HIVEP1: variants seen among roughly 807,000 people sequenced by gnomAD.
HIVEP1 encodes HIVEP zinc finger 1.
A neutral mutation model predicts 180.0 loss-of-function variants in HIVEP1; 36 were observed. The observed-to-expected ratio is 0.20, with a 90% CI of 0.15 to 0.26. HIVEP1 has a LOEUF of 0.26. HIVEP1 is among the 10% of genes least tolerant of loss of function. The pLI, the probability that HIVEP1 is intolerant of heterozygous loss-of-function variation, is 1.00. For missense variants in HIVEP1, 3,143 were observed against 3,268.7 expected (o/e 0.96, Z 0.94); for synonymous variants, 1,239 against 1,239.0 (o/e 1.00, Z 0.00).
chr6:12,160,986 A>C (rs1349885415), intron 7 of HIVEP1, among the ~76,000 whole-genome samples: 1 of 152,264 alleles, frequency 6.6e-6, no homozygotes, highest in Non-Finnish European at 1.5e-5. Flanking sequence ...ACAGATACCA[A>C]CAGCCATCAG....
intron 2 of HIVEP1, among the ~76,000 whole-genome samples, chr6:12,055,322 A>G (rs1296768707): frequency 6.6e-6 from 1 of 152,014 alleles, no homozygotes; most frequent in African/African-American, 2.4e-5. Context: ...AAAATGCAAA[A>G]ATTAGCTGGG....
chr6:12,107,754 G>A (rs528103895), intron 3 of HIVEP1, among the ~76,000 whole-genome samples: 59 of 152,286 alleles, frequency 3.9e-4, no homozygotes, highest in African/African-American at 1.3e-3. Context: ...CTTCCACAGC[G>A]TAGAAGGGGA....
At position 12,117,226 on chromosome 6, in the gene HIVEP1, A is replaced by G. The variant is rs182591226; in HGVS notation, c.95-2664A>G. The stretch of plus-strand genomic sequence containing the variant: ...TTGCCAGAAAACAAGGGAGTATGCA[A>G]AGTTTTGAAGGGAATAGCACCAGTC... On this transcript the variant is annotated intron_variant, in intron 3 of 8. Transcript: ENST00000379388. 2.2e-4 allele frequency among the ~76,000 whole-genome samples: 34 copies of G among 152,324 alleles called. 1 individual carries two copies. The highest frequency in any genetic ancestry group is 7.8e-4 in the Admixed American group (12 of 15,302).
downstream of HIVEP1, among the ~76,000 whole-genome samples, chr6:12,168,238 T>TAC (rs1427557662): frequency 7.4e-5 from 9 of 121,522 alleles, no homozygotes; most frequent in Middle Eastern, 5.2e-3. Context: ...TATACATATA[T>TAC]ATTATATATA....
intron 2 of HIVEP1, among the ~76,000 whole-genome samples, chr6:12,061,034 A>G (rs1390630612): frequency 6.6e-6 from 1 of 151,970 alleles, no homozygotes; most frequent in African/African-American, 2.4e-5. Flanking sequence ...CTGCTCCTAG[A>G]TGTGACGTGA....
intron 7 of HIVEP1, among the ~76,000 whole-genome samples, chr6:12,147,561 T>G (rs1457513980): frequency 7.9e-6 from 1 of 127,134 alleles, no homozygotes; most frequent in South Asian, 2.3e-4. Context: ...CTGTTTTATT[T>G]TGTAGTGGGA....
intron 2 of HIVEP1, among the ~76,000 whole-genome samples, chr6:12,088,533 G>A (rs1773251115): frequency 6.6e-6 from 1 of 152,154 alleles, no homozygotes; most frequent in Non-Finnish European, 1.5e-5. Context: ...AACAGCAGGA[G>A]CAAGGCACTG....
chr6:12,145,434 G>A (rs1759311985), intron 7 of HIVEP1, among the ~76,000 whole-genome samples: 1 of 151,622 alleles, frequency 6.6e-6, no homozygotes, highest in Non-Finnish European at 1.5e-5. Context: ...TAGTTTATGG[G>A]TGCAGCAAAC....
chr6:12,105,133 A>G (rs1774348454), intron 3 of HIVEP1, among the ~76,000 whole-genome samples: 1 of 152,188 alleles, frequency 6.6e-6, no homozygotes, highest in Non-Finnish European at 1.5e-5. Context: ...TGACAATCTA[A>G]GATTCATCTT....
intron 7 of HIVEP1, among the ~76,000 whole-genome samples, chr6:12,139,695 G>A (rs983515182): frequency 6.6e-5 from 10 of 152,258 alleles, no homozygotes; most frequent in African/African-American, 2.2e-4. Flanking sequence ...TCCCGCATCT[G>A]GCTTGGTGGA....
chr6:12,098,765 T>C (rs1773920255), intron 3 of HIVEP1, among the ~76,000 whole-genome samples: 1 of 152,184 alleles, frequency 6.6e-6, no homozygotes, highest in Non-Finnish European at 1.5e-5. Flanking sequence ...AGGAAGTCTA[T>C]AAAATGAATT....
At chr6:12,151,602 G>T (rs1284979351) in intron 7 of HIVEP1, among the ~76,000 whole-genome samples, 1 of 152,160 alleles carries the variant, frequency 6.6e-6, no homozygotes, top group Non-Finnish European at 1.5e-5. Flanking sequence ...GATGGGTGTG[G>T]TATCAACTCT....
the HIVEP1 span, among the ~76,000 whole-genome samples, chr6:12,204,544 C>A: frequency 6.6e-6 from 1 of 152,172 alleles, no homozygotes; most frequent in East Asian, 1.9e-4. Flanking sequence ...TGGTTTTTAA[C>A]CTCATTCTGT....
chr6:12,199,360 CTTTTTT>C, the HIVEP1 span, among the ~76,000 whole-genome samples: 3 of 109,444 alleles, frequency 2.7e-5, no homozygotes, highest in Non-Finnish European at 3.5e-5. Flanking sequence ...ACTGTCAATC[CTTTTTT>C]TTTTTTTTTT....
rs1163695599 is a variant in HIVEP1, at chr6:12,078,650, CAT to C, written c.41-10532_41-10531del. 8.5e-3 allele frequency among the ~76,000 whole-genome samples: 1,120 copies of C among 132,340 alleles called. 11 individuals are homozygous for C. Among genetic ancestry groups the C allele is most frequent in the African/African-American group, 0.029 (1,048 of 36,328 alleles). 86.8% of individuals were successfully genotyped at this position (132,340 alleles called of 152,430 possible). The stretch of plus-strand genomic sequence containing the variant: ...ACATATATATACACACACACACACA[CAT>C]ACATATATATACATATATATACACA... On this transcript the variant is annotated intron_variant, in intron 2 of 8. Transcript: ENST00000379388.
chr6:12,010,413 A>C (rs925578941), upstream of HIVEP1, among the ~76,000 whole-genome samples: 1 of 152,164 alleles, frequency 6.6e-6, no homozygotes, highest in Non-Finnish European at 1.5e-5. Flanking sequence ...TCTTAGCTCA[A>C]ATGAGCCAGA....
At chr6:12,027,472 G>A (rs1188423113) in intron 2 of HIVEP1, among the ~76,000 whole-genome samples, 2 of 152,174 alleles carry the variant, frequency 1.3e-5, no homozygotes, top group African/African-American at 4.8e-5. Context: ...AACCCAAAAG[G>A]ATTAGATTGT....
chr6:12,200,601 A>T, the HIVEP1 span, among the ~76,000 whole-genome samples: 1 of 152,298 alleles, frequency 6.6e-6, no homozygotes, highest in South Asian at 2.1e-4. Flanking sequence ...GAAGGCCATT[A>T]TTGGAGGTAG....
chr6:12,088,070 T>C (rs1773219437), intron 2 of HIVEP1, among the ~76,000 whole-genome samples: 1 of 152,178 alleles, frequency 6.6e-6, no homozygotes, highest in Non-Finnish European at 1.5e-5. Flanking sequence ...TAGAAGGTTC[T>C]CTGAATTTCT....
Sources: gnomAD v4.1 joint callset for allele counts (sites outside exome capture counted in the v4.1 genomes callset) on GRCh38, gnomAD v4.1.1 for gene constraint, MANE v1.5 for transcripts, NCBI Gene and HGNC (gene_info 2026-07-23, HGNC 2026-07-21) for gene names.